Variants in DNAJC6 observed in about 807,000 individuals in gnomAD.
The protein encoded by DNAJC6 is DnaJ heat shock protein family (Hsp40) member C6.
In DNAJC6, 34 loss-of-function variants were observed where a neutral mutation model predicts 110.0. The ratio of observed to expected loss-of-function variants is 0.31; its 90% confidence interval spans 0.24 to 0.41. DNAJC6 has a LOEUF of 0.41. DNAJC6 is among the 10% of genes least tolerant of loss of function. The pLI, the probability that DNAJC6 is intolerant of heterozygous loss-of-function variation, is 1.00. For missense variants in DNAJC6, 1,031 were observed against 1,207.8 expected (o/e 0.85, Z 2.17); for synonymous variants, 406 against 437.2 (o/e 0.93, Z 0.89).
intron 1 of DNAJC6, among the ~76,000 whole-genome samples, chr1:65,336,225 T>G (rs948630334): frequency 6.6e-6 from 1 of 151,928 alleles, no homozygotes; most frequent in African/African-American, 2.4e-5. Flanking sequence ...CAAGGAGAAG[T>G]GCCAAGCAAA....
At chr1:65,310,159 C>G (rs539565165) in intron 1 of DNAJC6, among the ~76,000 whole-genome samples, 2 of 148,496 alleles carry the variant, frequency 1.3e-5, no homozygotes, top group Non-Finnish European at 3.0e-5. Context: ...GAGACTGTAG[C>G]GAGCTCCTCC....
At chr1:65,315,095 T>C (rs2101385540) in intron 1 of DNAJC6, among the ~76,000 whole-genome samples, 1 of 152,304 alleles carries the variant, frequency 6.6e-6, no homozygotes. Flanking sequence ...CTTTCTGTTC[T>C]CTAGATACAA....
intron 1 of DNAJC6, among the ~76,000 whole-genome samples, chr1:65,281,570 C>T (rs552966277): frequency 1.3e-5 from 2 of 152,132 alleles, no homozygotes; most frequent in African/African-American, 4.8e-5. Context: ...GCATGTTGTA[C>T]CCTAAGTACT....
chr1:65,310,027 C>T lies in DNAJC6; in HGVS notation c.193+89C>T, dbSNP rs1397126535. 2.9e-6 allele frequency: 4 copies of T among 1,359,044 alleles called. 1 individual carries two copies. The highest frequency in any genetic ancestry group is 3.8e-6 in the Non-Finnish European group (4 of 1,054,762). The allele number at this position is 1,359,044 out of a possible 1,614,324, so 84.2% of individuals were successfully genotyped here. On this transcript the variant is annotated intron_variant, in intron 1 of 18. Transcript: ENST00000371069. Reference sequence around the variant, plus strand: ...CCGGCCCGAGGCCCCCCCGTGGTCCCCCAGCCCCGGTTTGCGAGAGAGCCG... The same window carrying T: ...CCGGCCCGAGGCCCCCCCGTGGTCCTCCAGCCCCGGTTTGCGAGAGAGCCG...
At chr1:65,367,910 G>T (rs1276969640) in intron 4 of DNAJC6, among the ~76,000 whole-genome samples, 2 of 144,650 alleles carry the variant, frequency 1.4e-5, no homozygotes, top group Non-Finnish European at 3.0e-5. Context: ...TAGAACAACA[G>T]TTCCTGACAT....
At position 65,392,611 on chromosome 1, in the gene DNAJC6, C is replaced by T. The variant is rs771725790; in HGVS notation, c.1649C>T (p.Pro550Leu). The T allele has an allele frequency of 6.2e-7, 1 of 1,613,900 alleles. No homozygotes were observed. The highest frequency in any genetic ancestry group is 1.7e-5 in the Admixed American group (1 of 59,980). The change falls in exon 12 of 19, where the codon CCC becomes CTC. Residue 550 changes from proline to leucine, a missense_variant. Physicochemically the swap from Pro to Leu is moderately conservative, Grantham distance 98. Coordinates refer to ENST00000371069, the MANE Select transcript of DNAJC6 (RefSeq NM_001256864.2). ...KKQQEPAAPP[P>L]PEDVDLLGLE... is the part of the protein sequence containing the mutation. ...CAGCAGGAGCCAGCAGCCCCTCCACCCCCTGAGGATGTGGACCTTTTGGGC... is the reference window on the plus strand; with the variant it reads ...CAGCAGGAGCCAGCAGCCCCTCCACTCCCTGAGGATGTGGACCTTTTGGGC...
At chr1:65,380,328 TTTTAAAGCTTCTATAAAC>T (rs1468365990) in intron 5 of DNAJC6, among the ~76,000 whole-genome samples, 1 of 152,234 alleles carries the variant, frequency 6.6e-6, no homozygotes, top group Admixed American at 6.5e-5. Context: ...CTTCTATAAA[TTTTAAAGCTTCTATAAAC>T]TTTAGTGTAT....
chr1:65,388,192 C>G, intron 8 of DNAJC6, 144 bp from the exon 9 acceptor site: 4 of 716,264 alleles, frequency 5.6e-6, no homozygotes, highest in Non-Finnish European at 9.7e-6. Context: ...CCTATTCTAA[C>G]TGGGGAGGTC....
intron 4 of DNAJC6, among the ~76,000 whole-genome samples, chr1:65,375,757 G>A (rs1257372900): frequency 6.6e-6 from 1 of 152,150 alleles, no homozygotes; most frequent in Non-Finnish European, 1.5e-5. Context: ...AATGGTGAAT[G>A]ATCTATTTAA....
rs1223663883 is a variant in DNAJC6 at position 65,413,141 on chromosome 1, C to A, written c.*116C>A. On this transcript the variant is annotated 3_prime_UTR_variant, in exon 19 of 19. Transcript: ENST00000371069. ...CAGTAACATGTTTTCAGTACTAAAC[C>A]GTTAAGTTACTCATGAATTAATTTC... 2 of 747,270 alleles carry A rather than the reference C, an allele frequency of 2.7e-6. No individual in the cohort carries two copies. Among genetic ancestry groups the A allele is most frequent in the South Asian group, 1.8e-5 (1 of 55,456 alleles). The allele number at this position is 747,270 out of a possible 1,614,324, so 46.3% of individuals were successfully genotyped here.
At position 65,384,199 on chromosome 1, in the gene DNAJC6, CG is replaced by C; in HGVS notation, c.676del (p.Ala226ArgfsTer106). 6.6e-7 allele frequency: 1 copy of C among 1,513,214 alleles called. No individual in the cohort carries two copies. Among genetic ancestry groups the C allele is most frequent in the Non-Finnish European group, 8.8e-7 (1 of 1,132,526 alleles). 93.7% of individuals were successfully genotyped at this position (1,513,214 alleles called of 1,614,324 possible). On this transcript the variant is annotated frameshift_variant, in exon 6 of 19. Coordinates refer to ENST00000371069, the MANE Select transcript of DNAJC6 (RefSeq NM_001256864.2). LOFTEE classifies it high-confidence loss of function. Reference sequence around the variant, plus strand: ...TATGCATTTTCTTTGACAGGATGGACGGGCGGCATCATCAATTCTGGTTGGT... The same window carrying C: ...TATGCATTTTCTTTGACAGGATGGACGGCGGCATCATCAATTCTGGTTGGT... Reference protein sequence around the residue: ...NVCVVHCLDGRAASSILVGAM... With the variant: ...NVCVVHCLDGXAASSILVGAM...
chr1:65,269,038 C>T (rs1231873306), intron 1 of DNAJC6, among the ~76,000 whole-genome samples: 1 of 151,984 alleles, frequency 6.6e-6, no homozygotes, highest in East Asian at 1.9e-4. Flanking sequence ...ATTTGTTTAG[C>T]AAACAAAGTT....
chr1:65,386,771 T>C, intron 7 of DNAJC6, 41 bp from the exon 8 acceptor site: 1 of 1,518,576 alleles, frequency 6.6e-7, no homozygotes, highest in Non-Finnish European at 9.1e-7. Flanking sequence ...TTGTACCAGA[T>C]TGGACTCTCT....
At position 65,284,867 on chromosome 1, in the gene DNAJC6, C is replaced by T. The variant is rs193100712; in HGVS notation, c.-131+19935C>T. 5.9e-5 allele frequency among the ~76,000 whole-genome samples: 9 copies of T among 151,938 alleles called. No individual in the cohort carries two copies. In the East Asian group the frequency reaches 1.7e-3, roughly 29 times the overall value. On this transcript the variant is annotated intron_variant, in intron 1 of 19. Transcript: ENST00000263441. ...CCACGCCTGGCTCATTTTGTATTTT[C>T]AGTAGAGATGGGGTTTCACCACGTT...
chr1:65,277,955 T>C (rs1370928790), intron 1 of DNAJC6, among the ~76,000 whole-genome samples: 1 of 152,152 alleles, frequency 6.6e-6, no homozygotes, highest in Non-Finnish European at 1.5e-5. Context: ...AAGGTAAATG[T>C]TATAATTGCA....
In DNAJC6 at chr1:65,359,332, C is replaced by T. The variant is rs1039515728; in HGVS notation, c.194-5303C>T. Among the ~76,000 whole-genome samples, 38 of 152,262 alleles carry T rather than the reference C, an allele frequency of 2.5e-4. 1 individual carries two copies. Among genetic ancestry groups the T allele is most frequent in the East Asian group, 3.9e-4 (2 of 5,176 alleles). ...ACAACTTGGAAGGAATAGGATACTG[C>T]GTCTAGTTTCCCAAACATTAGGAAT... On this transcript the variant is annotated intron_variant, in intron 1 of 18. Coordinates refer to ENST00000371069, the MANE Select transcript of DNAJC6 (RefSeq NM_001256864.2).
chr1:65,280,272 T>C (rs945515863), intron 1 of DNAJC6, among the ~76,000 whole-genome samples: 7 of 152,196 alleles, frequency 4.6e-5, no homozygotes, highest in African/African-American at 1.7e-4. Flanking sequence ...GTGGATTCTT[T>C]TTCTGTGTGT....
chr1:65,405,490 C>A (rs1377764096), intron 15 of DNAJC6, among the ~76,000 whole-genome samples: 1 of 152,072 alleles, frequency 6.6e-6, no homozygotes, highest in African/African-American at 2.4e-5. Flanking sequence ...GAAACAGAAT[C>A]TGCTCAGAAG....
chr1:65,395,262 A>T (rs1370517733), intron 13 of DNAJC6, among the ~76,000 whole-genome samples: 2 of 152,210 alleles, frequency 1.3e-5, no homozygotes, highest in Non-Finnish European at 2.9e-5. Flanking sequence ...TGACTATGGT[A>T]TCCTTTTTTG....
Sources: allele counts gnomAD v4.1 joint callset (sites outside exome capture counted in the v4.1 genomes callset), GRCh38; gene constraint gnomAD v4.1.1; transcripts MANE v1.5; gene names NCBI Gene and HGNC (gene_info 2026-07-23, HGNC 2026-07-21).